The following ATP8B1 variants were observed in gnomAD, a reference collection of about 807,000 sequenced individuals.
The protein encoded by ATP8B1 is ATPase phospholipid transporting 8B1.
Under a neutral mutation model 149.9 loss-of-function variants are expected in ATP8B1, and 80 were observed. That is an observed-to-expected ratio of 0.53 (90% CI 0.45 to 0.64). The LOEUF (loss-of-function observed/expected upper bound fraction) is 0.64. Among genes scored for constraint, ATP8B1 ranks in the 30% least tolerant of loss-of-function variants. ATP8B1 has a pLI of 0.00. For missense variants in ATP8B1, 1,247 were observed against 1,552.6 expected (o/e 0.80, Z 3.31); for synonymous variants, 536 against 562.8 (o/e 0.95, Z 0.67).
rs904279771 is a variant in ATP8B1 at position 57,802,169 on chromosome 18, G to A, written c.-26+829C>T. Among the ~76,000 whole-genome samples, 10 of 152,042 alleles carry A rather than the reference G, an allele frequency of 6.6e-5. No homozygotes were observed. Among genetic ancestry groups the A allele is most frequent in the African/African-American group, 2.4e-4 (10 of 41,386 alleles). On this transcript the variant is annotated intron_variant, in intron 1 of 27. Coordinates refer to ENST00000648908, the MANE Select transcript of ATP8B1 (RefSeq NM_001374385.1). The surrounding 1 kb of genome is among the most constrained non-coding windows in gnomAD (Gnocchi z 4.9). ...CTTTCACTTTGGGGAGAAGGAGGGA[G>A]TTGGAGAAGTGGGGGCGAGGGGTGT...
chr18:57,781,109 A>C (rs974677084), intron 1 of ATP8B1, among the ~76,000 whole-genome samples: 1 of 152,252 alleles, frequency 6.6e-6, no homozygotes, highest in Non-Finnish European at 1.5e-5. Context: ...ACACCAAAAA[A>C]GGAAGCATTA....
chr18:57,739,525 C>A (rs1362703706), intron 1 of ATP8B1, among the ~76,000 whole-genome samples: 1 of 152,176 alleles, frequency 6.6e-6, no homozygotes, highest in Non-Finnish European at 1.5e-5. Context: ...ATACTCAGTG[C>A]CTACTACACA....
At chr18:57,700,013 A>G (rs1031225455) in intron 6 of ATP8B1, among the ~76,000 whole-genome samples, 1 of 152,218 alleles carries the variant, frequency 6.6e-6, no homozygotes, top group South Asian at 2.1e-4. Flanking sequence ...TTAGCAGGGT[A>G]GAGCACAGGG....
intron 2 of ATP8B1, among the ~76,000 whole-genome samples, chr18:57,716,399 A>T (rs2079583227): frequency 6.6e-6 from 1 of 152,022 alleles, no homozygotes; most frequent in South Asian, 2.1e-4. Context: ...CAAAAGATAT[A>T]GAGTGGCTGA....
At chr18:57,776,385 T>C (rs2080306206) in intron 1 of ATP8B1, among the ~76,000 whole-genome samples, 1 of 152,220 alleles carries the variant, frequency 6.6e-6, no homozygotes, top group South Asian at 2.1e-4. Flanking sequence ...CTCTTGAAAG[T>C]AATTTTAATT....
At chr18:57,732,713 C>G (rs2123149449) in intron 1 of ATP8B1, among the ~76,000 whole-genome samples, 1 of 152,222 alleles carries the variant, frequency 6.6e-6, no homozygotes, top group Middle Eastern at 3.4e-3. Flanking sequence ...CAGGCACACA[C>G]CACCACGCCC....
At chr18:57,667,598 G>C (rs1431373654) in intron 19 of ATP8B1, 2 of 199,198 alleles carry the variant, frequency 1.0e-5, no homozygotes, top group African/African-American at 4.7e-5. Context: ...TAAAACAAGT[G>C]AAAGTCAAAG....
chr18:57,747,958 T>G (rs1360024316), intron 1 of ATP8B1, among the ~76,000 whole-genome samples: 1 of 152,230 alleles, frequency 6.6e-6, no homozygotes, highest in African/African-American at 2.4e-5. Flanking sequence ...TGGAAATACT[T>G]GCATTTGGCT....
At chr18:57,747,698 TAGA>T (rs1429435401) in intron 1 of ATP8B1, among the ~76,000 whole-genome samples, 1 of 152,222 alleles carries the variant, frequency 6.6e-6, no homozygotes, top group Non-Finnish European at 1.5e-5. Context: ...GTATCTTTTC[TAGA>T]TACTATCATG....
Position 57,654,749 on chromosome 18 carries a change from C to T in ATP8B1, c.2931+445G>A, listed in dbSNP as rs374106175. ...TTGCCCAGGTTGGAGTGCAATAGCG[C>T]AGTCTCGGCTCACCACAACCTCTGC... On this transcript the variant is annotated intron_variant, in intron 23 of 27. Transcript: ENST00000648908. 1.1e-3 allele frequency among the ~76,000 whole-genome samples: 158 copies of T among 143,766 alleles called. No homozygotes were observed. The South Asian group carries it at 0.014, about 12-fold the overall frequency. 94.3% of individuals were successfully genotyped at this position (143,766 alleles called of 152,430 possible).
chr18:57,749,942 G>A (rs555864489), intron 1 of ATP8B1, among the ~76,000 whole-genome samples: 1 of 152,188 alleles, frequency 6.6e-6, no homozygotes, highest in Non-Finnish European at 1.5e-5. Flanking sequence ...AGAGCATTAA[G>A]GATAAACTAG....
chr18:57,769,231 C>T (rs531423629), intron 1 of ATP8B1, among the ~76,000 whole-genome samples: 1 of 152,308 alleles, frequency 6.6e-6, no homozygotes, highest in East Asian at 1.9e-4. Flanking sequence ...TTCCCTAGAG[C>T]CACGCATTCT....
Position 57,701,210 on chromosome 18 carries a change from C to G in ATP8B1, c.492+5G>C. The G allele has an allele frequency of 6.2e-7, 1 of 1,614,002 alleles. No individual in the cohort carries two copies. The highest frequency in any genetic ancestry group is 8.5e-7 in the Non-Finnish European group (1 of 1,179,882). The stretch of plus-strand genomic sequence containing the variant: ...TGAGTAGAACGTTGTATGAGAAATC[C>G]TCACCACATCGTCCACCAGGTCTTT... On this transcript the variant is annotated splice_donor_5th_base_variant and intron_variant, in intron 5 of 27. Transcript: ENST00000648908.
Position 57,652,580 on chromosome 18 carries a change from A to G in ATP8B1, c.3165T>C (p.Tyr1055=), listed in dbSNP as rs767601611. 6.2e-7 allele frequency: 1 copy of G among 1,614,194 alleles called. No individual in the cohort carries two copies. The highest frequency in any genetic ancestry group is 1.1e-5 in the South Asian group (1 of 91,082). The change falls in exon 25 of 28, where the codon TAT becomes TAC. Residue 1055 remains tyrosine (Y), a synonymous_variant. Transcript: ENST00000648908. ...CTCCATCCTGCCCTACGGTTTGCAG[A>G]TAAGCTCCAAGAGGTATGAAGAAGA... The part of the protein sequence containing the change: ...MILFFIPLGA[Y]LQTVGQDGEA...
chr18:57,672,866 C>CAA (rs869293441), intron 16 of ATP8B1, among the ~76,000 whole-genome samples: 10 of 33,692 alleles, frequency 3.0e-4, no homozygotes, highest in African/African-American at 1.1e-3. Flanking sequence ...AACTCTGTCT[C>CAA]AAAAAAAAAA....
In ATP8B1 at chr18:57,731,665, T is replaced by C. The variant is rs2079766903; in HGVS notation, c.143A>G (p.Asn48Ser). The C allele has an allele frequency of 6.2e-7, 1 of 1,614,172 alleles. No individual in the cohort carries two copies. The highest frequency in any genetic ancestry group is 8.5e-7 in the Non-Finnish European group (1 of 1,180,022). ...SAVEPEQNRVNREAEENREPF... is the reference protein window; with the variant it reads ...SAVEPEQNRVSREAEENREPF... ...CTCCCGGTTCTCCTCTGCTTCCCTG[T>C]TGACTCGGTTTTGTTCTGGTTCAAC... is the stretch of plus-strand genomic sequence containing the variant. The change falls in exon 2 of 28, where the codon AAC becomes AGC. Residue 48 changes from asparagine to serine, a missense_variant. Coordinates refer to ENST00000648908, the MANE Select transcript of ATP8B1 (RefSeq NM_001374385.1).
At chr18:57,771,893 C>T (rs376859991) in intron 1 of ATP8B1, among the ~76,000 whole-genome samples, 1 of 152,160 alleles carries the variant, frequency 6.6e-6, no homozygotes, top group South Asian at 2.1e-4. Flanking sequence ...TTAGCTCTGC[C>T]TTTAGCTGTT....
chr18:57,741,537 TG>T (rs1203264876), intron 1 of ATP8B1, among the ~76,000 whole-genome samples: 2 of 152,246 alleles, frequency 1.3e-5, no homozygotes, highest in Non-Finnish European at 2.9e-5. Flanking sequence ...AGACATCAGC[TG>T]GGCTGGCACC....
chr18:57,688,249 A>T, intron 13 of ATP8B1, 50 bp downstream of exon 13: 3 of 1,569,128 alleles, frequency 1.9e-6, no homozygotes, highest in Non-Finnish European at 2.6e-6. Flanking sequence ...TGACCTGCAC[A>T]CGGCAGGCAG....
Sources: allele counts gnomAD v4.1 joint callset (sites outside exome capture counted in the v4.1 genomes callset), GRCh38; gene constraint gnomAD v4.1.1; non-coding constraint Gnocchi (gnomAD v3.1); transcripts MANE v1.5; gene names NCBI Gene and HGNC (gene_info 2026-07-23, HGNC 2026-07-21).